The following RFWD3 variants were observed in gnomAD, a reference collection of about 807,000 sequenced individuals.
The protein encoded by RFWD3 is E3 ubiquitin-protein ligase RFWD3.
Under a neutral mutation model 87.7 loss-of-function variants are expected in RFWD3, and 65 were observed. The ratio of observed to expected loss-of-function variants is 0.74; its 90% CI spans 0.61 to 0.91. RFWD3 has a LOEUF of 0.91. Ranked by LOEUF, RFWD3 falls within the 40% of genes least tolerant of loss-of-function variation. RFWD3 has a pLI of 0.00. For missense variants in RFWD3, 1,078 were observed against 938.5 expected, an observed-to-expected ratio of 1.15 and a Z score of -1.94; for synonymous variants, 433 against 352.8, an observed-to-expected ratio of 1.23 and a Z score of -2.55.
At chr16:74,635,793 G>C (rs1173119885) in intron 8 of RFWD3, among the ~76,000 whole-genome samples, 7 of 152,178 alleles carry the variant, frequency 4.6e-5, no homozygotes, top group Non-Finnish European at 8.8e-5. Context: ...GCAAGATTTA[G>C]AAATGATTTA....
Position 74,661,254 on chromosome 16 carries a change from TC to T in RFWD3, c.195del (p.Thr66HisfsTer15). Reference sequence around the variant, plus strand: ...GGAGCAGGCTGGAGCAGGGGTGGTGTCGCTTGGCTGCTGATCACCTCAGCAG... The same window carrying T: ...GGAGCAGGCTGGAGCAGGGGTGGTGTGCTTGGCTGCTGATCACCTCAGCAG... ...PAPAEVISSQ[A>X]TPPLLQPAPQ... On this transcript the variant is annotated frameshift_variant, in exon 2 of 13. Coordinates refer to ENST00000361070, the MANE Select transcript of RFWD3 (RefSeq NM_018124.4). LOFTEE classifies it high-confidence loss of function. The T allele has an allele frequency of 6.2e-7, 1 of 1,614,048 alleles. No homozygotes were observed.
intron 10 of RFWD3, among the ~76,000 whole-genome samples, chr16:74,628,923 G>A (rs1195053637): frequency 6.6e-6 from 1 of 152,112 alleles, no homozygotes; most frequent in Non-Finnish European, 1.5e-5. Context: ...GGAAATTTAA[G>A]GGATACAAGA....
At chr16:74,631,760 G>A (rs1048521106) in intron 9 of RFWD3, among the ~76,000 whole-genome samples, 6 of 152,066 alleles carry the variant, frequency 3.9e-5, no homozygotes, top group African/African-American at 9.7e-5. Flanking sequence ...CGACTCTGAT[G>A]TCAGGCACCA....
At position 74,632,613 on chromosome 16, in the gene RFWD3, T is replaced by A. The variant is rs748102081; in HGVS notation, c.1487A>T (p.His496Leu). The A allele has an allele frequency of 2.5e-6, 4 of 1,614,104 alleles. No individual in the cohort carries two copies. Among genetic ancestry groups the A allele is most frequent in the Non-Finnish European group, 3.4e-6 (4 of 1,180,004 alleles). ...CGCCAGTCCACGGATCTGTTTGCCA[T>A]GCATCGGAATGTACTGACTGCTCTT... is the stretch of plus-strand genomic sequence containing the variant. Reference protein sequence around the residue: ...NMKSSQYIPMHGKQIRGLAFS... With the variant: ...NMKSSQYIPMLGKQIRGLAFS... The change falls in exon 9 of 13, where the codon CAT becomes CTT. Residue 496 changes from histidine (H) to leucine (L), a missense_variant. Transcript: ENST00000361070.
chr16:74,662,592 G>A (rs1249294832), intron 1 of RFWD3, among the ~76,000 whole-genome samples: 1 of 152,188 alleles, frequency 6.6e-6, no homozygotes, highest in African/African-American at 2.4e-5. Flanking sequence ...TTGGGCTGAG[G>A]CATGAAGGAT....
chr16:74,628,637 G>A lies in RFWD3; in HGVS notation c.1784C>T (p.Pro595Leu), dbSNP rs568941961. The A allele has an allele frequency of 2.5e-6, 4 of 1,613,980 alleles. No individual in the cohort carries two copies. The highest frequency in any genetic ancestry group is 1.3e-5 in the African/African-American group (1 of 74,888). Reference sequence around the variant, plus strand: ...TGGAAATGCAGCTGAGGCAGCTCTGGGCATGTATGACAGGGAGACCAGTGG... The same window carrying A: ...TGGAAATGCAGCTGAGGCAGCTCTGAGCATGTATGACAGGGAGACCAGTGG... ...RCPLVSLSYM[P>L]RAASAAFPYG... Residue 595 changes from proline (P) to leucine (L), a missense_variant, in exon 11 of 13, where the codon CCC becomes CTC. Physicochemically the swap from Pro to Leu is moderately conservative, Grantham distance 98. Transcript: ENST00000361070.
intron 11 of RFWD3, 32 bp downstream of exon 11, chr16:74,628,420 A>T (rs761148399): frequency 6.3e-7 from 1 of 1,596,012 alleles, no homozygotes; most frequent in Non-Finnish European, 8.6e-7. Context: ...TGTGCTCCCA[A>T]ATAAGCTATG....
At chr16:74,627,756 G>A (rs1254210294) in intron 11 of RFWD3, among the ~76,000 whole-genome samples, 1 of 152,190 alleles carries the variant, frequency 6.6e-6, no homozygotes, top group African/African-American at 2.4e-5. Flanking sequence ...GGACAGAGGA[G>A]TATCCTGTGA....
chr16:74,640,795 C>T (rs1046527913), intron 6 of RFWD3, among the ~76,000 whole-genome samples: 3 of 151,806 alleles, frequency 2.0e-5, no homozygotes, highest in African/African-American at 7.3e-5. Context: ...AAAAATTAGC[C>T]AGGCGTGGTG....
intron 6 of RFWD3, among the ~76,000 whole-genome samples, chr16:74,642,554 G>A (rs1355572629): frequency 1.3e-5 from 2 of 152,074 alleles, no homozygotes; most frequent in East Asian, 1.9e-4. Context: ...AGGCTAGAGT[G>A]CAGTGGCATG....
At chr16:74,647,373 C>G (rs185276190) in intron 4 of RFWD3, among the ~76,000 whole-genome samples, 5 of 152,048 alleles carry the variant, frequency 3.3e-5, no homozygotes, top group Admixed American at 6.5e-5. Flanking sequence ...CCACAACCTC[C>G]GCCTCTCAGA....
intron 11 of RFWD3, 133 bp downstream of exon 11, chr16:74,628,319 G>C (rs1958994340): frequency 1.3e-6 from 1 of 773,370 alleles, no homozygotes; most frequent in African/African-American, 1.7e-5. Context: ...CCCTGTAGTA[G>C]CAAGAGCTAC....
At chr16:74,659,012 G>A (rs2144334064) in intron 2 of RFWD3, among the ~76,000 whole-genome samples, 1 of 152,238 alleles carries the variant, frequency 6.6e-6, no homozygotes, top group East Asian at 1.9e-4. Flanking sequence ...CGCCTGCCTT[G>A]GCCGCTCAAA....
chr16:74,661,960 T>C (rs1266643991), intron 1 of RFWD3, among the ~76,000 whole-genome samples: 1 of 152,214 alleles, frequency 6.6e-6, no homozygotes, highest in African/African-American at 2.4e-5. Context: ...ACTTACCTAA[T>C]GTTTCCAAAA....
At chr16:74,648,014 A>G (rs1960288676) in intron 4 of RFWD3, among the ~76,000 whole-genome samples, 1 of 152,096 alleles carries the variant, frequency 6.6e-6, no homozygotes, top group South Asian at 2.1e-4. Flanking sequence ...TGGTGCAATC[A>G]TGGCTCACTG....
Position 74,646,631 on chromosome 16 carries a change from A to G in RFWD3, c.793-1896T>C, listed in dbSNP as rs117530522. On this transcript the variant is annotated intron_variant, in intron 4 of 12. Transcript: ENST00000361070. ...TGAAACCTCGTCTCTACTAAAATACAAAAAATTAGCCAGGCATGACGGCGT... is the reference window on the plus strand; with the variant it reads ...TGAAACCTCGTCTCTACTAAAATACGAAAAATTAGCCAGGCATGACGGCGT... Among the ~76,000 whole-genome samples the G allele has an allele frequency of 5.9e-5, 9 of 151,612 alleles. No individual in the cohort carries two copies. The East Asian group carries it at 1.8e-3, about 30-fold the overall frequency.
At chr16:74,640,577 C>T (rs1959548613) in intron 6 of RFWD3, among the ~76,000 whole-genome samples, 1 of 152,124 alleles carries the variant, frequency 6.6e-6, no homozygotes, top group Non-Finnish European at 1.5e-5. Flanking sequence ...TGGAGGACTG[C>T]TTGAGCCTAG....
At chr16:74,656,866 AC>A (rs1961026519) in intron 2 of RFWD3, among the ~76,000 whole-genome samples, 1 of 152,212 alleles carries the variant, frequency 6.6e-6, no homozygotes, top group African/African-American at 2.4e-5. Flanking sequence ...CTTATGGATG[AC>A]TTTTGCCGGG....
At chr16:74,634,190 AAAAT>A (rs1191053167) in intron 8 of RFWD3, among the ~76,000 whole-genome samples, 2 of 152,298 alleles carry the variant, frequency 1.3e-5, no homozygotes, top group African/African-American at 4.8e-5. Context: ...ATAGAGAATG[AAAAT>A]AAATAATTTG....
Sources: gnomAD v4.1 joint callset for allele counts (sites outside exome capture counted in the v4.1 genomes callset) on GRCh38, gnomAD v4.1.1 for gene constraint, MANE v1.5 for transcripts, NCBI Gene and HGNC (gene_info 2026-07-23, HGNC 2026-07-21) for gene names.